Variants in RAB11FIP4 observed in about 807,000 individuals in gnomAD.
RAB11FIP4 encodes the protein RAB11 family interacting protein 4, also known as rab11 family-interacting protein 4.
Under a neutral mutation model 74.3 loss-of-function variants are expected in RAB11FIP4, and 23 were observed. The observed-to-expected ratio is 0.31, with a 90% CI of 0.22 to 0.44. The LOEUF (loss-of-function observed/expected upper bound fraction) is 0.44. Ranked by LOEUF, RAB11FIP4 falls within the 20% of genes least tolerant of loss-of-function variation. The probability of loss-of-function intolerance (pLI) is 1.00; values close to 1 mark genes in which losing one functional copy is unlikely to be tolerated. For synonymous variants in RAB11FIP4, 360 were observed against 359.9 expected, an observed-to-expected ratio of 1.00 and a Z score of 0.00; for missense variants, 630 against 863.9, an observed-to-expected ratio of 0.73 and a Z score of 3.39.
intron 3 of RAB11FIP4, among the ~76,000 whole-genome samples, chr17:31,434,695 A>C (rs2071341768): frequency 1.3e-5 from 2 of 152,188 alleles, no homozygotes. Context: ...AATTCACTGG[A>C]AACACTCAGG....
At position 31,523,953 on chromosome 17, in the gene RAB11FIP4, C is replaced by T. The variant is rs750014394; in HGVS notation, c.1090C>T (p.Leu364=). The T allele has an allele frequency of 1.2e-6, 2 of 1,612,732 alleles. No homozygotes were observed. The highest frequency in any genetic ancestry group is 1.7e-6 in the Non-Finnish European group (2 of 1,179,622). Residue 364 remains leucine, a synonymous_variant, in exon 9 of 15, where the codon CTG becomes TTG. Coordinates refer to ENST00000621161, the MANE Select transcript of RAB11FIP4 (RefSeq NM_032932.6). ...GAATGACAGCCTGACCAATGGGGAC[C>T]TGAAGAGCAAGCTGAAGCAAGAGAA... ...LENDSLTNGD[L]KSKLKQENTQ... is the part of the protein sequence containing the mutation.
At chr17:31,431,188 A>G (rs997911535) in intron 1 of RAB11FIP4, among the ~76,000 whole-genome samples, 1 of 152,204 alleles carries the variant, frequency 6.6e-6, no homozygotes, top group Non-Finnish European at 1.5e-5. Context: ...GCCACTAACA[A>G]CGTGGGTTGT....
rs930221429 is a variant in RAB11FIP4 at position 31,459,710 on chromosome 17, A to G, written c.336+25588A>G. Among the ~76,000 whole-genome samples, 35 of 152,108 alleles carry G rather than the reference A, an allele frequency of 2.3e-4. 2 individuals carry two copies. Among genetic ancestry groups the G allele is most frequent in the Admixed American group, 1.5e-3 (23 of 15,286 alleles). ...TTCTTGCAGCACTGTCATCTTTGAC[A>G]CAGCTCGGCTGCCACCCAGAAGCTT... On this transcript the variant is annotated intron_variant, in intron 3 of 14. Transcript: ENST00000621161.
At chr17:31,446,679 G>A (rs912053321) in intron 3 of RAB11FIP4, among the ~76,000 whole-genome samples, 2 of 152,050 alleles carry the variant, frequency 1.3e-5, no homozygotes, top group African/African-American at 4.8e-5. Flanking sequence ...GATTATCTGA[G>A]ATAATGTGGG....
intron 3 of RAB11FIP4, among the ~76,000 whole-genome samples, chr17:31,453,355 C>CAAAAAA (rs747844559): frequency 0.011 from 753 of 71,714 alleles, 20 homozygotes; most frequent in African/African-American, 0.039. Flanking sequence ...GACCCTACCT[C>CAAAAAA]AAAAAAAAAA....
intron 3 of RAB11FIP4, among the ~76,000 whole-genome samples, chr17:31,516,053 G>T (rs983801038): frequency 2.6e-5 from 4 of 152,148 alleles, no homozygotes; most frequent in African/African-American, 9.7e-5. Context: ...TCTGGCCAGG[G>T]TTTATTCATT....
At chr17:31,448,005 T>C (rs8068616) in intron 3 of RAB11FIP4, among the ~76,000 whole-genome samples, 32,526 of 151,630 alleles carry the variant, frequency 0.21, 4,036 homozygotes, top group African/African-American at 0.31. Context: ...AGAGACAGGG[T>C]CTCACTATGT....
chr17:31,510,294 C>A (rs900995941), intron 3 of RAB11FIP4, among the ~76,000 whole-genome samples: 3 of 152,206 alleles, frequency 2.0e-5, no homozygotes, highest in African/African-American at 7.2e-5. Flanking sequence ...GTGAGAGATT[C>A]ATCACAGGCC....
intron 3 of RAB11FIP4, among the ~76,000 whole-genome samples, chr17:31,445,825 G>T (rs1009000681): frequency 6.6e-6 from 1 of 150,616 alleles, no homozygotes; most frequent in Non-Finnish European, 1.5e-5. Flanking sequence ...TCCTGACCTC[G>T]TGATCCACCC....
At chr17:31,453,810 A>AAG (rs1555544935) in intron 3 of RAB11FIP4, among the ~76,000 whole-genome samples, 60 of 150,636 alleles carry the variant, frequency 4.0e-4, no homozygotes, top group African/African-American at 1.3e-3. Flanking sequence ...AAAAAAAAAA[A>AAG]AAAGAAAGAA....
chr17:31,420,371 A>C (rs1387707939), intron 1 of RAB11FIP4, among the ~76,000 whole-genome samples: 1 of 151,740 alleles, frequency 6.6e-6, no homozygotes, highest in African/African-American at 2.4e-5. Flanking sequence ...AGCTGGGACC[A>C]GAGGCATGTG....
At position 31,486,148 on chromosome 17, in the gene RAB11FIP4, C is replaced by T. The variant is rs550052125; in HGVS notation, c.337-31503C>T. On this transcript the variant is annotated intron_variant, in intron 3 of 14. Transcript: ENST00000621161. ...ACTTGGGAGGCTGAGGCAGAAGAAT[C>T]GCTTGAACCCAGGAGGCGGAGGTTG... Among the ~76,000 whole-genome samples the T allele has an allele frequency of 3.8e-4, 58 of 150,996 alleles. 1 individual carries two copies. The highest frequency in any genetic ancestry group is 8.9e-5 in the Non-Finnish European group (6 of 67,764).
intron 3 of RAB11FIP4, among the ~76,000 whole-genome samples, chr17:31,456,637 A>G (rs2071581431): frequency 6.6e-6 from 1 of 152,234 alleles, no homozygotes; most frequent in African/African-American, 2.4e-5. Context: ...TTGGTAAGTC[A>G]GAAAACTTAG....
At position 31,533,989 on chromosome 17, in the gene RAB11FIP4, C is replaced by T. The variant is rs1045025521; in HGVS notation, c.*2257C>T. ...ATTTCTTGTAAAACCTGGCTTGTTG[C>T]TTGGCTTTTAAAGATGGTGTATGTT... On this transcript the variant is annotated 3_prime_UTR_variant, in exon 15 of 15. Transcript: ENST00000621161. The T allele has an allele frequency of 6.6e-6, 1 of 152,216 alleles. No individual in the cohort carries two copies. Among genetic ancestry groups the T allele is most frequent in the Non-Finnish European group, 1.5e-5 (1 of 68,042 alleles). 9.4% of individuals were successfully genotyped at this position (152,216 alleles called of 1,614,324 possible). A position where few individuals can be genotyped will look rare whatever the true frequency, so the allele number is the denominator to read the frequency against.
intron 1 of RAB11FIP4, among the ~76,000 whole-genome samples, chr17:31,430,980 A>C (rs967025082): frequency 1.3e-5 from 2 of 152,014 alleles, no homozygotes; most frequent in South Asian, 4.2e-4. Context: ...TGACCAAGGG[A>C]CTTGGTGCCT....
chr17:31,392,021 C>T lies in RAB11FIP4; in HGVS notation c.159+10C>T, dbSNP rs1213393495. ...CGGCCAGGGCGAGGAGGTAAGCTGG[C>T]CCGACCCCAGTCCCGGCCCGGGGAC... On this transcript the variant is annotated intron_variant, in intron 1 of 14. Transcript: ENST00000621161. 2.3e-6 allele frequency: 3 copies of T among 1,295,084 alleles called. No individual in the cohort carries two copies. Among genetic ancestry groups the T allele is most frequent in the South Asian group, 2.2e-5 (1 of 46,160 alleles). 80.2% of individuals were successfully genotyped at this position (1,295,084 alleles called of 1,614,324 possible). A position where few individuals can be genotyped will look rare whatever the true frequency, so the allele number is the denominator to read the frequency against.
chr17:31,495,509 G>A (rs2072099728), intron 3 of RAB11FIP4, among the ~76,000 whole-genome samples: 1 of 151,884 alleles, frequency 6.6e-6, no homozygotes, highest in Non-Finnish European at 1.5e-5. Flanking sequence ...TGAGTAGCTG[G>A]GTGCACCACC....
intron 3 of RAB11FIP4, among the ~76,000 whole-genome samples, chr17:31,494,062 G>A (rs1038784810): frequency 1.3e-5 from 2 of 152,158 alleles, no homozygotes; most frequent in African/African-American, 4.8e-5. Flanking sequence ...GGGTGATGGT[G>A]AAAATAAAAT....
rs1025739734 is a variant in RAB11FIP4, at chr17:31,533,052, C to G, written c.*1320C>G. On this transcript the variant is annotated 3_prime_UTR_variant, in exon 15 of 15. Coordinates refer to ENST00000621161, the MANE Select transcript of RAB11FIP4 (RefSeq NM_032932.6). ...ATATATAAACGTGTGTGGTCTTATTCTTCCCCCTGCAGTTTCTTGCTTTCT... is the reference window on the plus strand; with the variant it reads ...ATATATAAACGTGTGTGGTCTTATTGTTCCCCCTGCAGTTTCTTGCTTTCT... 6.6e-6 allele frequency: 1 copy of G among 152,096 alleles called. No individual in the cohort carries two copies. Among genetic ancestry groups the G allele is most frequent in the African/African-American group, 2.4e-5 (1 of 41,398 alleles). The allele number at this position is 152,096 out of a possible 1,614,324, so 9.4% of individuals were successfully genotyped here. A position where few individuals can be genotyped will look rare whatever the true frequency, so the allele number is the denominator to read the frequency against.
Sources: gnomAD v4.1 joint callset for allele counts (sites outside exome capture counted in the v4.1 genomes callset) on GRCh38, gnomAD v4.1.1 for gene constraint, MANE v1.5 for transcripts, NCBI Gene and HGNC (gene_info 2026-07-23, HGNC 2026-07-21) for gene names.